Variants in CUL1 observed in about 807,000 individuals in gnomAD.
CUL1 encodes cullin 1, also known as cullin-1.
In CUL1, 24 loss-of-function variants were observed where a neutral mutation model predicts 118.0. The ratio of observed to expected loss-of-function variants is 0.20; its 90% confidence interval spans 0.15 to 0.29. CUL1 has a LOEUF of 0.29. Ranked by LOEUF, CUL1 falls within the 10% of genes least tolerant of loss-of-function variation. CUL1 has a pLI of 1.00. For synonymous variants in CUL1, 332 were observed against 340.4 expected (o/e 0.98, Z 0.27); for missense variants, 361 against 933.8 (o/e 0.39, Z 7.99).
intron 7 of CUL1, among the ~76,000 whole-genome samples, chr7:148,764,642 A>G (rs1219930689): frequency 6.6e-6 from 1 of 152,198 alleles, no homozygotes; most frequent in African/African-American, 2.4e-5. Context: ...TTAAAACAGA[A>G]AAAGTGGTGC....
intron 7 of CUL1, among the ~76,000 whole-genome samples, chr7:148,763,346 C>T (rs139424189): frequency 3.7e-3 from 557 of 152,198 alleles, no homozygotes; most frequent in African/African-American, 0.012. Context: ...CCACTTGGAT[C>T]ACACCAAACA....
At chr7:148,750,324 A>T (rs1387220456) in intron 2 of CUL1, among the ~76,000 whole-genome samples, 4 of 150,384 alleles carry the variant, frequency 2.7e-5, no homozygotes, top group African/African-American at 9.8e-5. Flanking sequence ...TTATACTTTA[A>T]GTTCTAGGGT....
chr7:148,788,145 G>A (rs1249239054), intron 13 of CUL1, among the ~76,000 whole-genome samples: 1 of 152,160 alleles, frequency 6.6e-6, no homozygotes, highest in Non-Finnish European at 1.5e-5. Flanking sequence ...CCATTGTGAG[G>A]CCCCATGCTC....
chr7:148,700,753 TC>T (rs2129458707), intron 1 of CUL1, among the ~76,000 whole-genome samples: 1 of 152,344 alleles, frequency 6.6e-6, no homozygotes, highest in East Asian at 1.9e-4. Context: ...AAACTTTTTT[TC>T]TCATTGGCTT....
chr7:148,764,077 A>G (rs969017242), intron 7 of CUL1, among the ~76,000 whole-genome samples: 5 of 152,216 alleles, frequency 3.3e-5, no homozygotes, highest in Non-Finnish European at 5.9e-5. Flanking sequence ...CTGTATGACT[A>G]CTGTAGGTTT....
intron 1 of CUL1, among the ~76,000 whole-genome samples, chr7:148,725,215 G>GCA (rs1448782052): frequency 1.4e-5 from 1 of 69,036 alleles, no homozygotes; most frequent in African/African-American, 6.0e-5. Flanking sequence ...ACACACACGC[G>GCA]CGCGCTCACA....
chr7:148,698,956 G>C lies in CUL1; in HGVS notation c.-235G>C, dbSNP rs1797615621. 1 of 153,842 alleles carries C rather than the reference G, an allele frequency of 6.5e-6. No individual in the cohort carries two copies. The highest frequency in any genetic ancestry group is 1.8e-4 in the South Asian group (1 of 5,628). The allele number at this position is 153,842 out of a possible 1,614,324, so 9.5% of individuals were successfully genotyped here. On this transcript the variant is annotated 5_prime_UTR_variant, in exon 1 of 22. Transcript: ENST00000325222. ...CGCAGCTAGACCTTGGCGGGACGGG[G>C]CTTTCGCCGGGGCCCAGGCCCAGGG...
intron 8 of CUL1, 119 bp downstream of exon 8, chr7:148,766,842 G>A: frequency 1.1e-6 from 1 of 878,750 alleles, no homozygotes; most frequent in Non-Finnish European, 1.7e-6. Context: ...TTAAAAAGAT[G>A]CATGTGTTTG....
chr7:148,786,706 A>G, intron 12 of CUL1, 107 bp downstream of exon 12: 2 of 997,382 alleles, frequency 2.0e-6, no homozygotes, highest in South Asian at 1.5e-5. Flanking sequence ...ATAATCATTG[A>G]TTTTATTTTG....
At position 148,792,182 on chromosome 7, in the gene CUL1, T is replaced by A. The variant is rs1390386697; in HGVS notation, c.1807-544T>A. Among the ~76,000 whole-genome samples the A allele has an allele frequency of 3.4e-5, 3 of 87,192 alleles. No individual in the cohort carries two copies. The East Asian group carries it at 9.9e-4, about 29-fold the overall frequency. The allele number at this position is 87,192 out of a possible 152,430, so 57.2% of individuals were successfully genotyped here. A position where few individuals can be genotyped will look rare whatever the true frequency, so the allele number is the denominator to read the frequency against. ...GCCTGGGTGACAGAGCAAGACTTTGTCTCAAAAAAAAAAAAAAATAGAAAT... is the reference window on the plus strand; with the variant it reads ...GCCTGGGTGACAGAGCAAGACTTTGACTCAAAAAAAAAAAAAAATAGAAAT... On this transcript the variant is annotated intron_variant, in intron 16 of 21. Transcript: ENST00000325222.
chr7:148,722,101 G>T lies in CUL1; in HGVS notation c.-161-7861G>T, dbSNP rs547933981. Reference sequence around the variant, plus strand: ...GAGTGAGATTAGGAAAATACATAAGGTGTAATTGGTTAGATAGGTGATGAA... The same window carrying T: ...GAGTGAGATTAGGAAAATACATAAGTTGTAATTGGTTAGATAGGTGATGAA... On this transcript the variant is annotated intron_variant, in intron 1 of 21. Coordinates refer to ENST00000325222, the MANE Select transcript of CUL1 (RefSeq NM_003592.3). 1.3e-5 allele frequency among the ~76,000 whole-genome samples: 2 copies of T among 152,148 alleles called. 1 individual carries two copies. The highest frequency in any genetic ancestry group is 4.1e-4 in the South Asian group (2 of 4,820).
At chr7:148,737,522 G>C (rs2129459818) in intron 2 of CUL1, among the ~76,000 whole-genome samples, 1 of 150,778 alleles carries the variant, frequency 6.6e-6, no homozygotes, top group Middle Eastern at 3.5e-3. Context: ...ACTTGTTAAT[G>C]TTTGAAGATA....
intron 2 of CUL1, among the ~76,000 whole-genome samples, chr7:148,738,815 T>C (rs941727847): frequency 1.3e-5 from 2 of 152,232 alleles, no homozygotes; most frequent in Non-Finnish European, 2.9e-5. Flanking sequence ...TAATTTTTTT[T>C]CCCTTTAAGA....
At chr7:148,796,528 T>C (rs1015130531) in intron 17 of CUL1, among the ~76,000 whole-genome samples, 3 of 152,222 alleles carry the variant, frequency 2.0e-5, no homozygotes, top group Non-Finnish European at 4.4e-5. Flanking sequence ...TTCGAATTAC[T>C]CCTAAATATA....
intron 9 of CUL1, among the ~76,000 whole-genome samples, chr7:148,778,338 C>T (rs962105694): frequency 9.9e-5 from 15 of 152,100 alleles, no homozygotes; most frequent in African/African-American, 3.6e-4. Flanking sequence ...TTAATGTTTT[C>T]CCCTGAGCAC....
At chr7:148,794,656 G>A (rs917462662) in intron 17 of CUL1, among the ~76,000 whole-genome samples, 3 of 152,186 alleles carry the variant, frequency 2.0e-5, no homozygotes, top group African/African-American at 7.2e-5. Context: ...GCTTTGGGGA[G>A]TATTGCCATC....
chr7:148,766,709 C>G lies in CUL1; in HGVS notation c.938C>G (p.Ala313Gly). The change falls in exon 8 of 22, where the codon GCT (alanine) becomes GGT (glycine). Residue 313 changes from alanine to glycine, a missense_variant. Transcript: ENST00000325222. ...ACAGAATTTCAGAATTTATTGGATG[C>G]TGACAAAAATGAAGGTGAGCCACAA... The part of the protein sequence containing the change: ...FHTEFQNLLD[A>G]DKNEDLGRMY... The G allele has an allele frequency of 6.2e-7, 1 of 1,610,292 alleles. No homozygotes were observed. Among genetic ancestry groups the G allele is most frequent in the Non-Finnish European group, 8.5e-7 (1 of 1,178,822 alleles).
chr7:148,769,843 A>C (rs937924479), intron 9 of CUL1, among the ~76,000 whole-genome samples: 2 of 152,208 alleles, frequency 1.3e-5, no homozygotes, highest in Non-Finnish European at 2.9e-5. Context: ...CAGCTAGGGC[A>C]ATGTAGTGAG....
rs573634260 is a variant in CUL1, at chr7:148,707,505, ATTTTTT to A, written c.-162+8481_-162+8486del. ...TCACTTTTTATTTTTTTAAATAATAATTTTTTTTTTAAGTTTCAGGGTACCACAGGT... is the reference window on the plus strand; with the variant it reads ...TCACTTTTTATTTTTTTAAATAATAATTTTAAGTTTCAGGGTACCACAGGT... On this transcript the variant is annotated intron_variant, in intron 1 of 21. Coordinates refer to ENST00000325222, the MANE Select transcript of CUL1 (RefSeq NM_003592.3). Among the ~76,000 whole-genome samples the A allele has an allele frequency of 3.3e-5, 5 of 150,724 alleles. No homozygotes were observed. The South Asian group carries it at 1.1e-3, about 32-fold the overall frequency.
Sources: gnomAD v4.1 joint callset for allele counts (sites outside exome capture counted in the v4.1 genomes callset) on GRCh38, gnomAD v4.1.1 for gene constraint, MANE v1.5 for transcripts, NCBI Gene and HGNC (gene_info 2026-07-23, HGNC 2026-07-21) for gene names.